Variants in ADGRL2 observed in about 807,000 individuals in gnomAD.
The protein encoded by ADGRL2 is calcium-independent alpha-latrotoxin receptor 2.
ADGRL2 carries 44 observed loss-of-function variants against 157.4 expected under a neutral mutation model. The observed-to-expected ratio is 0.28, with a 90% CI of 0.22 to 0.36. The LOEUF (loss-of-function observed/expected upper bound fraction) is 0.36. Among genes scored for constraint, ADGRL2 ranks in the 10% least tolerant of loss-of-function variants. The probability of loss-of-function intolerance (pLI) is 1.00; values close to 1 mark genes in which losing one functional copy is unlikely to be tolerated. For missense variants in ADGRL2, 1,510 were observed against 1,768.9 expected, an observed-to-expected ratio of 0.85 and a Z score of 2.63; for synonymous variants, 585 against 624.7, an observed-to-expected ratio of 0.94 and a Z score of 0.95.
chr1:81,307,196 G>T (rs1027056099), intron 1 of ADGRL2, among the ~76,000 whole-genome samples: 1 of 152,154 alleles, frequency 6.6e-6, no homozygotes, highest in African/African-American at 2.4e-5. Context: ...AAACCTGAAT[G>T]TTTGTATAAC....
intron 4 of ADGRL2, among the ~76,000 whole-genome samples, chr1:81,941,254 A>G (rs1273003592): frequency 1.3e-5 from 2 of 151,454 alleles, no homozygotes; most frequent in East Asian, 3.9e-4. Flanking sequence ...TTATAATAAA[A>G]TGTATATGTA....
rs145579318 is a variant in ADGRL2 at position 81,617,226 on chromosome 1, G to A, written c.-143+36246G>A. Among the ~76,000 whole-genome samples the A allele has an allele frequency of 5.7e-3, 863 of 152,300 alleles. 9 individuals carry two copies. Among genetic ancestry groups the A allele is most frequent in the African/African-American group, 0.019 (793 of 41,562 alleles). ...GAACATTAGATTCTCATAGGCGCAC[G>A]AACCCTATTGTGAACTGTGCATGCC... is the stretch of plus-strand genomic sequence containing the variant. On this transcript the variant is annotated intron_variant, in intron 3 of 24. Transcript: ENST00000370721.
At position 81,981,970 on chromosome 1, in the gene ADGRL2, A is replaced by G. The variant is rs200960645; in HGVS notation, c.3276A>G (p.Gln1092=). Residue 1092 remains glutamine (Q), a synonymous_variant, in exon 19 of 24, where the codon CAA becomes CAG. Coordinates refer to ENST00000686636, the MANE Select transcript of ADGRL2 (RefSeq NM_001366006.2). ...VFIFIFHCAL[Q]KKVRKEYGKC... ...TTTTCATCTTTCACTGTGCTCTCCA[A>G]AAGAAAGTAAGTAATTGAAAACACC... is the stretch of plus-strand genomic sequence containing the variant. 14 of 1,610,978 alleles carry G rather than the reference A, an allele frequency of 8.7e-6. No individual in the cohort carries two copies. The highest frequency in any genetic ancestry group is 2.2e-5 in the East Asian group (1 of 44,814).
At chr1:81,816,409 A>G (rs1185774549) in intron 1 of ADGRL2, among the ~76,000 whole-genome samples, 1 of 151,758 alleles carries the variant, frequency 6.6e-6, no homozygotes, top group Non-Finnish European at 1.5e-5. Context: ...AATACTTTTA[A>G]TATTTCCTCT....
At chr1:81,507,112 G>A (rs35209664) in intron 2 of ADGRL2, among the ~76,000 whole-genome samples, 2 of 151,894 alleles carry the variant, frequency 1.3e-5, no homozygotes, top group Non-Finnish European at 2.9e-5. Context: ...TAGCAAGGGG[G>A]AAAGGTTGCT....
At chr1:81,318,343 A>G (rs182813776) in intron 1 of ADGRL2, among the ~76,000 whole-genome samples, 4 of 152,222 alleles carry the variant, frequency 2.6e-5, no homozygotes, top group Non-Finnish European at 1.5e-5. Flanking sequence ...TGATAATATT[A>G]CTCCCCTTTG....
intron 3 of ADGRL2, among the ~76,000 whole-genome samples, chr1:81,679,155 A>G (rs2083056323): frequency 6.6e-6 from 1 of 152,148 alleles, no homozygotes; most frequent in African/African-American, 2.4e-5. Flanking sequence ...AGGAAAACTA[A>G]CAGGGAGGCA....
Position 81,612,523 on chromosome 1 carries a change from G to C in ADGRL2, c.-143+31543G>C, listed in dbSNP as rs537176947. The stretch of plus-strand genomic sequence containing the variant: ...CTTTAAAGAGAATGGCTCAGTCAAA[G>C]TGGGTCAACAGGATTATGCAAATTT... On this transcript the variant is annotated intron_variant, in intron 3 of 24. Coordinates refer to the ADGRL2 transcript ENST00000370721. 6.6e-5 allele frequency among the ~76,000 whole-genome samples: 10 copies of C among 152,262 alleles called. 1 individual carries two copies. In the South Asian group the frequency reaches 1.7e-3, roughly 25 times the overall value.
At chr1:81,852,627 G>A (rs1036831758) in intron 2 of ADGRL2, among the ~76,000 whole-genome samples, 9 of 151,966 alleles carry the variant, frequency 5.9e-5, no homozygotes, top group Non-Finnish European at 1.3e-4. Flanking sequence ...ATGGATTTGA[G>A]TAAAAATTTA....
intron 2 of ADGRL2, among the ~76,000 whole-genome samples, chr1:81,792,555 G>A (rs902488195): frequency 1.3e-5 from 2 of 151,952 alleles, no homozygotes; most frequent in Non-Finnish European, 2.9e-5. Context: ...CAGATTAATG[G>A]AACCTTGTTA....
chr1:81,654,192 G>A (rs7550417), intron 3 of ADGRL2, among the ~76,000 whole-genome samples: 25 of 152,248 alleles, frequency 1.6e-4, no homozygotes, highest in Non-Finnish European at 3.1e-4. Flanking sequence ...GTAATCCACC[G>A]AACTTGGCCT....
At position 81,801,009 on chromosome 1, in the gene ADGRL2, C is replaced by T. The variant is rs560413916; in HGVS notation, c.-160C>T. On this transcript the variant is annotated 5_prime_UTR_variant, in exon 1 of 24. Transcript: ENST00000686636. The stretch of plus-strand genomic sequence containing the variant: ...GCCGCCCCGCCGGCGGAGCCGGGGC[C>T]GGCCTGGTCCTCGGGCGGCTGCTTG... 6.6e-6 allele frequency among the ~76,000 whole-genome samples: 1 copy of T among 150,756 alleles called. No homozygotes were observed. Among genetic ancestry groups the T allele is most frequent in the African/African-American group, 2.4e-5 (1 of 41,282 alleles).
At chr1:81,776,247 G>T (rs112743857) in intron 2 of ADGRL2, among the ~76,000 whole-genome samples, 6,528 of 149,998 alleles carry the variant, frequency 0.044, 395 homozygotes, top group African/African-American at 0.15. Flanking sequence ...GGAGTGCAGT[G>T]GCACAATCTC....
At position 81,790,211 on chromosome 1, in the gene ADGRL2, C is replaced by T. The variant is rs538352408; in HGVS notation, c.-101+28359C>T. Reference sequence around the variant, plus strand: ...TTTTCTGAATTCAATAATTCACATGCGTTACTTTCCTGCTTTCCTTGAGAT... The same window carrying T: ...TTTTCTGAATTCAATAATTCACATGTGTTACTTTCCTGCTTTCCTTGAGAT... On this transcript the variant is annotated intron_variant, in intron 2 of 20. Coordinates refer to the ADGRL2 transcript ENST00000359929. 1.6e-4 allele frequency among the ~76,000 whole-genome samples: 25 copies of T among 152,122 alleles called. No individual in the cohort carries two copies. The South Asian group carries it at 5.0e-3, about 30-fold the overall frequency.
chr1:81,306,262 T>G (rs1442436715), exon 1 of ADGRL2: 1 of 152,192 alleles, frequency 6.6e-6, no homozygotes, highest in African/African-American at 2.4e-5. Context: ...CTGCTCTGTA[T>G]CTGTTCAAGT....
At chr1:81,616,079 C>T (rs1352410613) in intron 3 of ADGRL2, among the ~76,000 whole-genome samples, 3 of 147,894 alleles carry the variant, frequency 2.0e-5, no homozygotes, top group Non-Finnish European at 3.0e-5. Flanking sequence ...ACGGAGTCAG[C>T]CTCATTCGCT....
At chr1:81,521,352 TA>T (rs2079310004) in intron 2 of ADGRL2, among the ~76,000 whole-genome samples, 1 of 152,188 alleles carries the variant, frequency 6.6e-6, no homozygotes, top group Non-Finnish European at 1.5e-5. Flanking sequence ...TTTAATATGT[TA>T]AACAGGATAA....
At chr1:81,750,930 T>C (rs1414492916) in intron 1 of ADGRL2, among the ~76,000 whole-genome samples, 2 of 152,140 alleles carry the variant, frequency 1.3e-5, no homozygotes, top group African/African-American at 4.8e-5. Flanking sequence ...CCCAAAACAA[T>C]GGGCACACCT....
chr1:81,692,127 C>T (rs1203677453), intron 3 of ADGRL2, among the ~76,000 whole-genome samples: 1 of 151,512 alleles, frequency 6.6e-6, no homozygotes, highest in Non-Finnish European at 1.5e-5. Context: ...TCAAATTAGG[C>T]CGGGTGTGGT....
Sources: allele counts gnomAD v4.1 joint callset (sites outside exome capture counted in the v4.1 genomes callset), GRCh38; gene constraint gnomAD v4.1.1; transcripts MANE v1.5; gene names NCBI Gene and HGNC (gene_info 2026-07-23, HGNC 2026-07-21).